Variants in PTPRD observed in about 807,000 individuals in gnomAD.
The protein encoded by PTPRD is protein tyrosine phosphatase receptor type D.
In PTPRD, 34 loss-of-function variants were observed where a neutral mutation model predicts 214.5. The ratio of observed to expected loss-of-function variants is 0.16; its 90% CI spans 0.12 to 0.21. The LOEUF is 0.21. Ranked by LOEUF, PTPRD falls within the 10% of genes least tolerant of loss-of-function variation. The pLI is 1.00. For synonymous variants in PTPRD, 1,128 were observed against 845.7 expected (o/e 1.33, Z -5.79); for missense variants, 2,545 against 2,398.7 (o/e 1.06, Z -1.27).
intron 12 of PTPRD, among the ~76,000 whole-genome samples, chr9:8,662,767 C>G (rs575961662): frequency 1.3e-5 from 2 of 152,250 alleles, no homozygotes; most frequent in East Asian, 3.9e-4. Flanking sequence ...TTATCCCGTA[C>G]TAAAATGGAT....
chr9:9,499,509 A>G lies in PTPRD; in HGVS notation c.-237+75223T>C, dbSNP rs976266870. ...ATATTTGTGAGTTATTTTGGTATAT[A>G]TACAAAAACTCATTTATCTTCAAAC... On this transcript the variant is annotated intron_variant, in intron 8 of 45. Transcript: ENST00000381196. Among the ~76,000 whole-genome samples the G allele has an allele frequency of 5.3e-5, 8 of 152,274 alleles. No individual in the cohort carries two copies. The South Asian group carries it at 1.5e-3, about 28-fold the overall frequency.
At chr9:9,563,211 G>A (rs117389306) in intron 8 of PTPRD, among the ~76,000 whole-genome samples, 4 of 152,262 alleles carry the variant, frequency 2.6e-5, no homozygotes, top group Non-Finnish European at 4.4e-5. Context: ...AAAGTTGTAA[G>A]GAGCAAGTCT....
At chr9:9,213,736 A>G (rs1473160795) in intron 9 of PTPRD, among the ~76,000 whole-genome samples, 1 of 152,184 alleles carries the variant, frequency 6.6e-6, no homozygotes, top group Non-Finnish European at 1.5e-5. Flanking sequence ...GTGAGATGAA[A>G]GTAAGGTGCT....
At chr9:9,169,722 G>A (rs1295565910) in intron 10 of PTPRD, among the ~76,000 whole-genome samples, 1 of 151,970 alleles carries the variant, frequency 6.6e-6, no homozygotes, top group Non-Finnish European at 1.5e-5. Context: ...AATACCCCTG[G>A]GCTGATTTTG....
intron 7 of PTPRD, among the ~76,000 whole-genome samples, chr9:9,636,363 A>G (rs2095766124): frequency 6.6e-6 from 1 of 152,158 alleles, no homozygotes; most frequent in East Asian, 1.9e-4. Context: ...ATTTTGGTTG[A>G]TTTTCAACAT....
intron 5 of PTPRD, among the ~76,000 whole-genome samples, chr9:9,933,165 T>A (rs1254199136): frequency 2.6e-5 from 4 of 152,292 alleles, no homozygotes; most frequent in Non-Finnish European, 4.4e-5. Context: ...AGTAACTGCA[T>A]CAACTAACGT....
At chr9:9,583,169 A>G (rs1214009238) in intron 7 of PTPRD, among the ~76,000 whole-genome samples, 3 of 151,956 alleles carry the variant, frequency 2.0e-5, no homozygotes, top group Non-Finnish European at 4.4e-5. Flanking sequence ...AAACTTTCAT[A>G]CTCCTTCAAA....
intron 11 of PTPRD, among the ~76,000 whole-genome samples, chr9:9,014,879 G>A (rs1379311716): frequency 2.0e-5 from 3 of 151,900 alleles, no homozygotes; most frequent in Non-Finnish European, 2.9e-5. Context: ...TCTAAATATA[G>A]AATACAATAT....
intron 11 of PTPRD, among the ~76,000 whole-genome samples, chr9:8,743,507 T>C (rs904318785): frequency 1.3e-5 from 2 of 152,132 alleles, no homozygotes; most frequent in African/African-American, 2.4e-5. Context: ...TAGAGATCAA[T>C]AGTGGAACGG....
chr9:9,987,601 G>C (rs1012254429), intron 4 of PTPRD, among the ~76,000 whole-genome samples: 5 of 152,120 alleles, frequency 3.3e-5, no homozygotes, highest in African/African-American at 1.2e-4. Flanking sequence ...TGAGATTTGG[G>C]TGGGGATGTT....
chr9:10,103,680 A>G (rs1457672551), intron 3 of PTPRD, among the ~76,000 whole-genome samples: 1 of 151,342 alleles, frequency 6.6e-6, no homozygotes, highest in Admixed American at 6.6e-5. Context: ...ACTGAGTTCT[A>G]TTAGATATTT....
At chr9:8,757,156 C>A (rs563490595) in intron 11 of PTPRD, among the ~76,000 whole-genome samples, 3 of 151,046 alleles carry the variant, frequency 2.0e-5, no homozygotes, top group African/African-American at 7.4e-5. Flanking sequence ...TAATAATAAT[C>A]TATGAATAAA....
At chr9:10,483,615 A>T (rs533418509) in intron 2 of PTPRD, among the ~76,000 whole-genome samples, 1 of 152,296 alleles carries the variant, frequency 6.6e-6, no homozygotes, top group African/African-American at 2.4e-5. Flanking sequence ...GGCAAAGAAC[A>T]TGAATAGACA....
At chr9:9,435,926 G>A (rs556787403) in intron 8 of PTPRD, among the ~76,000 whole-genome samples, 3 of 152,242 alleles carry the variant, frequency 2.0e-5, no homozygotes, top group East Asian at 1.9e-4. Flanking sequence ...AGTAAATAGT[G>A]TATGTATTAG....
chr9:10,178,716 T>C (rs532461684), intron 3 of PTPRD, among the ~76,000 whole-genome samples: 1 of 152,064 alleles, frequency 6.6e-6, no homozygotes, highest in African/African-American at 2.4e-5. Flanking sequence ...TTCTAGGCCA[T>C]ATAATATTGT....
At chr9:9,998,115 T>TTAAA (rs1410108117) in intron 4 of PTPRD, among the ~76,000 whole-genome samples, 1 of 105,818 alleles carries the variant, frequency 9.5e-6, no homozygotes, top group African/African-American at 4.1e-5. Flanking sequence ...TAAAGTATAA[T>TTAAA]AAAAAAAAAA....
rs1437290109 is a variant in PTPRD, at chr9:8,485,679, T to G, written c.3055+83A>C. The G allele has an allele frequency of 4.1e-6, 5 of 1,208,920 alleles. No individual in the cohort carries two copies. The East Asian group carries it at 1.2e-4, about 30-fold the overall frequency. The allele number at this position is 1,208,920 out of a possible 1,614,324, so 74.9% of individuals were successfully genotyped here. A position where few individuals can be genotyped will look rare whatever the true frequency, so the allele number is the denominator to read the frequency against. On this transcript the variant is annotated intron_variant, in intron 28 of 45. Coordinates refer to ENST00000381196, the MANE Select transcript of PTPRD (RefSeq NM_002839.4). ...GAACCTATTAATATGAATGGGCTGA[T>G]CAGTTATTATAGCTTCAAAATACTG...
At chr9:10,202,886 G>A (rs561326143) in intron 3 of PTPRD, among the ~76,000 whole-genome samples, 16 of 151,718 alleles carry the variant, frequency 1.1e-4, no homozygotes, top group Non-Finnish European at 2.2e-4. Context: ...TAACCAGGAA[G>A]CAGGCCCTTA....
intron 2 of PTPRD, among the ~76,000 whole-genome samples, chr9:10,498,366 C>A (rs1434643248): frequency 1.3e-5 from 2 of 151,908 alleles, no homozygotes; most frequent in Admixed American, 6.6e-5. Context: ...ATATGAAACA[C>A]AGTATTTTTG....
Sources: gnomAD v4.1 joint callset for allele counts (sites outside exome capture counted in the v4.1 genomes callset) on GRCh38, gnomAD v4.1.1 for gene constraint, MANE v1.5 for transcripts, NCBI Gene and HGNC (gene_info 2026-07-23, HGNC 2026-07-21) for gene names.